NAALADL2: variants seen among roughly 807,000 people sequenced by gnomAD.
NAALADL2 encodes N-acetylated alpha-linked acidic dipeptidase like 2, also known as inactive N-acetylated-alpha-linked acidic dipeptidase-like protein 2.
In NAALADL2, 76 loss-of-function variants were observed where a neutral mutation model predicts 87.2. The observed-to-expected ratio is 0.87, with a 90% CI of 0.72 to 1.05. The LOEUF is 1.05. Ranked by LOEUF, NAALADL2 falls within the 50% of genes least tolerant of loss-of-function variation. The pLI, the probability that NAALADL2 is intolerant of heterozygous loss-of-function variation, is 0.00. For missense variants in NAALADL2, 1,089 were observed against 945.8 expected (o/e 1.15, Z -1.99); for synonymous variants, 354 against 331.0 (o/e 1.07, Z -0.75).
intron 1 of NAALADL2, among the ~76,000 whole-genome samples, chr3:174,961,118 A>C (rs1433191492): frequency 6.8e-6 from 1 of 148,138 alleles, no homozygotes; most frequent in East Asian, 1.9e-4. Flanking sequence ...ATAATGATAT[A>C]TAATATTAAT....
chr3:175,204,914 C>T (rs530680453), intron 2 of NAALADL2, among the ~76,000 whole-genome samples: 1 of 152,070 alleles, frequency 6.6e-6, no homozygotes, highest in East Asian at 1.9e-4. Flanking sequence ...CAAAAGACCT[C>T]TACAAGGAAA....
intron 11 of NAALADL2, among the ~76,000 whole-genome samples, chr3:175,695,421 A>T (rs1212077363): frequency 2.6e-5 from 4 of 152,120 alleles, no homozygotes; most frequent in Admixed American, 2.6e-4. Context: ...TGTAGATGCC[A>T]CATCACAATT....
chr3:174,608,201 A>G (rs1380064344), intron 2 of NAALADL2, among the ~76,000 whole-genome samples: 3 of 152,010 alleles, frequency 2.0e-5, no homozygotes, highest in African/African-American at 7.2e-5. Flanking sequence ...CTAAATGCCC[A>G]CAAGAGAAAG....
chr3:174,919,219 A>G (rs541112601), intron 1 of NAALADL2, among the ~76,000 whole-genome samples: 3 of 152,232 alleles, frequency 2.0e-5, no homozygotes, highest in South Asian at 2.1e-4. Flanking sequence ...ATTTCTTAAA[A>G]CAATAAAGAT....
At chr3:175,075,913 T>C (rs1716502597) in intron 1 of NAALADL2, among the ~76,000 whole-genome samples, 1 of 152,122 alleles carries the variant, frequency 6.6e-6, no homozygotes, top group Non-Finnish European at 1.5e-5. Flanking sequence ...ACACAGGTGC[T>C]CACTACTGTG....
intron 2 of NAALADL2, among the ~76,000 whole-genome samples, chr3:174,632,947 A>G (rs1048849601): frequency 4.0e-5 from 6 of 151,260 alleles, no homozygotes; most frequent in African/African-American, 1.2e-4. Context: ...AAAAAAAAAA[A>G]AAAAAAAAAA....
intron 13 of NAALADL2, among the ~76,000 whole-genome samples, chr3:175,760,009 A>G (rs1390478993): frequency 6.6e-6 from 1 of 152,106 alleles, no homozygotes; most frequent in African/African-American, 2.4e-5. Context: ...GAGAGCAGAA[A>G]CCTTTAGGAA....
rs940370754 is a variant in NAALADL2 at position 175,804,109 on chromosome 3, C to G, written c.*906C>G. 2.0e-5 allele frequency: 3 copies of G among 151,880 alleles called. No individual in the cohort carries two copies. The highest frequency in any genetic ancestry group is 7.2e-5 in the African/African-American group (3 of 41,394). The allele number at this position is 151,880 out of a possible 1,614,324, so 9.4% of individuals were successfully genotyped here. On this transcript the variant is annotated 3_prime_UTR_variant, in exon 14 of 14. Coordinates refer to ENST00000454872, the MANE Select transcript of NAALADL2 (RefSeq NM_207015.3). ...GCTGTAAGGCAGCTTTCTCAGAGTA[C>G]TATATATTTTCAACAGTAAAGTAGC...
At chr3:175,701,647 A>G (rs2149968347) in intron 11 of NAALADL2, among the ~76,000 whole-genome samples, 1 of 152,256 alleles carries the variant, frequency 6.6e-6, no homozygotes, top group East Asian at 1.9e-4. Context: ...CAGCAGCAGA[A>G]GCTGACACCA....
chr3:174,858,677 GGAA>G (rs1301347557), upstream of NAALADL2, among the ~76,000 whole-genome samples: 1 of 151,906 alleles, frequency 6.6e-6, no homozygotes, highest in East Asian at 1.9e-4. Context: ...AGGGAGAGAA[GGAA>G]GAAGAAGGAA....
chr3:175,432,175 AC>A (rs1717869114), intron 5 of NAALADL2, among the ~76,000 whole-genome samples: 1 of 152,050 alleles, frequency 6.6e-6, no homozygotes, highest in African/African-American at 2.4e-5. Context: ...TATTTCTATC[AC>A]AAGAAGATAA....
chr3:175,360,976 A>AT, intron 5 of NAALADL2, among the ~76,000 whole-genome samples: 1 of 151,774 alleles, frequency 6.6e-6, no homozygotes, highest in African/African-American at 2.4e-5. Context: ...CCATTAACTC[A>AT]TCATTTACAT....
chr3:175,124,038 C>T (rs1726552285), intron 2 of NAALADL2, among the ~76,000 whole-genome samples: 1 of 151,776 alleles, frequency 6.6e-6, no homozygotes. Flanking sequence ...GATTGCAGAC[C>T]TCTGTGTTGT....
chr3:174,916,606 AC>A (rs1734435050), intron 1 of NAALADL2, among the ~76,000 whole-genome samples: 1 of 148,106 alleles, frequency 6.8e-6, no homozygotes, highest in African/African-American at 2.5e-5. Context: ...AAGTGAAGTA[AC>A]CCAGGAATGG....
intron 3 of NAALADL2, among the ~76,000 whole-genome samples, chr3:175,248,404 T>C (rs373154546): frequency 1.3e-5 from 2 of 152,326 alleles, no homozygotes; most frequent in South Asian, 4.1e-4. Flanking sequence ...GTGGTAGTTC[T>C]GGATCACTCA....
intron 2 of NAALADL2, among the ~76,000 whole-genome samples, chr3:174,700,809 C>T (rs985021400): frequency 6.6e-6 from 1 of 152,220 alleles, no homozygotes; most frequent in Admixed American, 6.5e-5. Context: ...AGGAGTATAA[C>T]TGACTATTTG....
intron 3 of NAALADL2, among the ~76,000 whole-genome samples, chr3:174,759,210 A>G (rs1320113229): frequency 6.6e-6 from 1 of 152,180 alleles, no homozygotes; most frequent in African/African-American, 2.4e-5. Context: ...GCTGCACTGA[A>G]TGCTGTGTTG....
chr3:175,020,115 A>G (rs1273145607), intron 1 of NAALADL2, among the ~76,000 whole-genome samples: 1 of 152,090 alleles, frequency 6.6e-6, no homozygotes, highest in African/African-American at 2.4e-5. Flanking sequence ...GGACATGCAG[A>G]GCATTTAGTG....
chr3:175,133,687 G>C lies in NAALADL2; in HGVS notation c.545+36396G>C, dbSNP rs570742178. Among the ~76,000 whole-genome samples, 615 of 152,264 alleles carry C rather than the reference G, an allele frequency of 4.0e-3. 3 individuals are homozygous for C. The highest frequency in any genetic ancestry group is 0.013 in the African/African-American group (528 of 41,550). On this transcript the variant is annotated intron_variant, in intron 2 of 13. Coordinates refer to ENST00000454872, the MANE Select transcript of NAALADL2 (RefSeq NM_207015.3). ...GATGGCAGCAGTACAGTCCAGCTTC[G>C]GCTTGGCATCAGAGGGAGACCGTGG... is the stretch of plus-strand genomic sequence containing the variant.
Sources: gnomAD v4.1 joint callset for allele counts (sites outside exome capture counted in the v4.1 genomes callset) on GRCh38, gnomAD v4.1.1 for gene constraint, MANE v1.5 for transcripts, NCBI Gene and HGNC (gene_info 2026-07-23, HGNC 2026-07-21) for gene names.